Variants in ATXN10 observed in about 807,000 individuals in gnomAD.
ATXN10 encodes ataxin 10.
ATXN10 carries 28 observed loss-of-function variants against 52.9 expected under a neutral mutation model. The ratio of observed to expected loss-of-function variants is 0.53; its 90% CI spans 0.39 to 0.73. The LOEUF is 0.73. Ranked by LOEUF, ATXN10 falls within the 30% of genes least tolerant of loss-of-function variation. The probability of loss-of-function intolerance (pLI) is 0.00; values close to 1 mark genes in which losing one functional copy is unlikely to be tolerated. For synonymous variants in ATXN10, 226 were observed against 221.5 expected, an observed-to-expected ratio of 1.02 and a Z score of -0.18; for missense variants, 565 against 577.0, an observed-to-expected ratio of 0.98 and a Z score of 0.21.
intron 5 of ATXN10, among the ~76,000 whole-genome samples, chr22:45,713,477 GGC>G (rs1924328260): frequency 6.6e-6 from 1 of 152,132 alleles, no homozygotes; most frequent in South Asian, 2.1e-4. Context: ...GAGTTCCTTA[GGC>G]GAACTTACAG....
intron 10 of ATXN10, among the ~76,000 whole-genome samples, chr22:45,822,465 C>T (rs1398907521): frequency 2.7e-5 from 4 of 150,268 alleles, no homozygotes; most frequent in Admixed American, 1.3e-4. Context: ...AGTCAGACCT[C>T]GTAATATTTG....
chr22:45,713,611 G>T (rs981031602), intron 5 of ATXN10, among the ~76,000 whole-genome samples: 1 of 152,028 alleles, frequency 6.6e-6, no homozygotes, highest in Non-Finnish European at 1.5e-5. Context: ...TAAGTAGAAC[G>T]AAGTGTGAGC....
In ATXN10 at chr22:45,786,376, G is replaced by C. The variant is rs1019731634; in HGVS notation, c.1174-20583G>C. ...TTCCTTTCTTTTTGGAGGTGTCATGGGGAGCAGGGTTAGTTTATGGGATGC... is the reference window on the plus strand; with the variant it reads ...TTCCTTTCTTTTTGGAGGTGTCATGCGGAGCAGGGTTAGTTTATGGGATGC... On this transcript the variant is annotated intron_variant, in intron 9 of 11. Coordinates refer to ENST00000252934, the MANE Select transcript of ATXN10 (RefSeq NM_013236.4). This position sits in a 1 kb window ranked among gnomAD's most constrained non-coding sequence, Gnocchi z 4.1. 1.3e-5 allele frequency among the ~76,000 whole-genome samples: 2 copies of C among 152,172 alleles called. No homozygotes were observed. The highest frequency in any genetic ancestry group is 6.5e-5 in the Admixed American group (1 of 15,284).
intron 1 of ATXN10, among the ~76,000 whole-genome samples, chr22:45,686,876 G>A (rs1257110686): frequency 6.6e-6 from 1 of 152,002 alleles, no homozygotes; most frequent in Non-Finnish European, 1.5e-5. Flanking sequence ...TGGGAGATTT[G>A]GAGAGGACTT....
At position 45,690,021 on chromosome 22, in the gene ATXN10, C is replaced by T; in HGVS notation, c.308+118C>T. The T allele has an allele frequency of 4.7e-6, 5 of 1,066,012 alleles. No individual in the cohort carries two copies. The South Asian group carries it at 6.6e-5, about 14-fold the overall frequency. 66.0% of individuals were successfully genotyped at this position (1,066,012 alleles called of 1,614,324 possible). The stretch of plus-strand genomic sequence containing the variant: ...GGTAAGGTGGCTCATGCCTGTAATC[C>T]CAGCATTTTGGGAGGCTGAGGCAGG... On this transcript the variant is annotated intron_variant, in intron 2 of 11. Transcript: ENST00000252934. The surrounding 1 kb of genome is among the most constrained non-coding windows in gnomAD (Gnocchi z 4.5).
In ATXN10 at chr22:45,701,205, A is replaced by T. The variant is rs1245338318; in HGVS notation, c.488+827A>T. On this transcript the variant is annotated intron_variant, in intron 4 of 11. Transcript: ENST00000252934. This position sits in a 1 kb window ranked among gnomAD's most constrained non-coding sequence, Gnocchi z 4.2. Reference sequence around the variant, plus strand: ...ATACCCTGAACTGGGCATTATCCGTATATTTTTTCTGTTCTCACAATAGCC... The same window carrying T: ...ATACCCTGAACTGGGCATTATCCGTTTATTTTTTCTGTTCTCACAATAGCC... 6.6e-6 allele frequency among the ~76,000 whole-genome samples: 1 copy of T among 152,154 alleles called. No individual in the cohort carries two copies. The highest frequency in any genetic ancestry group is 1.5e-5 in the Non-Finnish European group (1 of 68,030).
chr22:45,798,777 T>C (rs1927834116), intron 9 of ATXN10, among the ~76,000 whole-genome samples: 1 of 152,176 alleles, frequency 6.6e-6, no homozygotes, highest in Non-Finnish European at 1.5e-5. Flanking sequence ...CTGATAAAGT[T>C]ATGAGAAGTG....
chr22:45,695,225 G>C (rs1019981403), intron 3 of ATXN10, among the ~76,000 whole-genome samples: 1 of 150,616 alleles, frequency 6.6e-6, no homozygotes, highest in Non-Finnish European at 1.5e-5. Flanking sequence ...TGGGGAGGCT[G>C]AGGCAGGAGA....
chr22:45,773,820 CAGAA>C (rs995589800), intron 9 of ATXN10, among the ~76,000 whole-genome samples: 7 of 151,828 alleles, frequency 4.6e-5, no homozygotes, highest in Non-Finnish European at 7.4e-5. Context: ...AACAAAACCA[CAGAA>C]AGAAAAAAGA....
At chr22:45,776,011 G>A (rs1192118998) in intron 9 of ATXN10, among the ~76,000 whole-genome samples, 3 of 152,154 alleles carry the variant, frequency 2.0e-5, no homozygotes, top group Non-Finnish European at 2.9e-5. Flanking sequence ...GCTGGAGGGG[G>A]ACCCAATTCA....
At position 45,795,424 on chromosome 22, in the gene ATXN10, T is replaced by TATTCTATTGTTTTCTA. The variant is rs1555896219; in HGVS notation, c.1174-11535_1174-11534insATTCTATTGTTTTCTA. On this transcript the variant is annotated intron_variant, in intron 9 of 11. Transcript: ENST00000252934. The surrounding 1 kb of genome is among the most constrained non-coding windows in gnomAD (Gnocchi z 4.6). Reference sequence around the variant, plus strand: ...TATTCTATTCTATTCTATTCTATTCTTTTTGAGATGAAGTCTCTCTATGTT... The same window carrying TATTCTATTGTTTTCTA: ...TATTCTATTCTATTCTATTCTATTCTATTCTATTGTTTTCTATTTTGAGATGAAGTCTCTCTATGTT... 6.8e-6 allele frequency among the ~76,000 whole-genome samples: 1 copy of TATTCTATTGTTTTCTA among 147,462 alleles called. No homozygotes were observed. Among genetic ancestry groups the TATTCTATTGTTTTCTA allele is most frequent in the Non-Finnish European group, 1.5e-5 (1 of 67,196 alleles).
At chr22:45,693,189 T>C (rs1923453472) in intron 3 of ATXN10, 111 bp downstream of exon 3, 3 of 891,088 alleles carry the variant, frequency 3.4e-6, no homozygotes, top group East Asian at 5.3e-5. Flanking sequence ...TTTCATGAGA[T>C]AGGGAAACTT....
chr22:45,777,212 T>C (rs894688952), intron 9 of ATXN10, among the ~76,000 whole-genome samples: 5 of 152,236 alleles, frequency 3.3e-5, no homozygotes, highest in Non-Finnish European at 5.9e-5. Context: ...GAATAGCCTA[T>C]AATTATCAAG....
rs1184963447 is a variant in ATXN10 at position 45,684,616 on chromosome 22, G to C, written c.117-5096G>C. On this transcript the variant is annotated intron_variant, in intron 1 of 11. Transcript: ENST00000252934. The surrounding 1 kb of genome is among the most constrained non-coding windows in gnomAD (Gnocchi z 4.1). ...TTCCTGTGGCTGCGTTTGTGCACTG[G>C]GGGAGTTGAGAGTGTGACAGAGGCT... Among the ~76,000 whole-genome samples, 1 of 152,178 alleles carries C rather than the reference G, an allele frequency of 6.6e-6. No individual in the cohort carries two copies. The highest frequency in any genetic ancestry group is 1.5e-5 in the Non-Finnish European group (1 of 68,034).
At position 45,784,590 on chromosome 22, in the gene ATXN10, C is replaced by T. The variant is rs1340956861; in HGVS notation, c.1174-22369C>T. Among the ~76,000 whole-genome samples, 4 of 152,114 alleles carry T rather than the reference C, an allele frequency of 2.6e-5. No individual in the cohort carries two copies. Among genetic ancestry groups the T allele is most frequent in the Admixed American group, 6.5e-5 (1 of 15,270 alleles). On this transcript the variant is annotated intron_variant, in intron 9 of 11. Transcript: ENST00000252934. The surrounding 1 kb of genome is among the most constrained non-coding windows in gnomAD (Gnocchi z 4.2). ...TGTCAGGAGGTGTGGATGGCAGGCA[C>T]GGGAGAAGGGACAGGAGGCTGGCTT... is the stretch of plus-strand genomic sequence containing the variant.
At position 45,818,673 on chromosome 22, in the gene ATXN10, G is replaced by A. The variant is rs1424364594; in HGVS notation, c.1237+11651G>A. ...CAGGGATCATCACGCAGGAAGCTGTGTGAAAGAGGTGTGGGAAGCTGCTTC... is the reference window on the plus strand; with the variant it reads ...CAGGGATCATCACGCAGGAAGCTGTATGAAAGAGGTGTGGGAAGCTGCTTC... On this transcript the variant is annotated intron_variant, in intron 10 of 11. Transcript: ENST00000252934. This position sits in a 1 kb window ranked among gnomAD's most constrained non-coding sequence, Gnocchi z 4.6. 6.6e-6 allele frequency among the ~76,000 whole-genome samples: 1 copy of A among 152,102 alleles called. No homozygotes were observed. Among genetic ancestry groups the A allele is most frequent in the East Asian group, 1.9e-4 (1 of 5,176 alleles).
rs192672465 is a variant in ATXN10, at chr22:45,693,098, A to G, written c.391+20A>G. On this transcript the variant is annotated intron_variant, in intron 3 of 11. Coordinates refer to ENST00000252934, the MANE Select transcript of ATXN10 (RefSeq NM_013236.4). ...TGACAGGTAGCATGCAATATAATTC[A>G]TGGATTATTTATATCTTTATAAAGG... 7,438 of 1,599,896 alleles carry G rather than the reference A, an allele frequency of 4.6e-3. 39 individuals are homozygous for G. The highest frequency in any genetic ancestry group is 0.011 in the South Asian group (1,006 of 90,766).
At chr22:45,808,851 A>G (rs1467546125) in intron 10 of ATXN10, among the ~76,000 whole-genome samples, 3 of 152,252 alleles carry the variant, frequency 2.0e-5, no homozygotes, top group Non-Finnish European at 4.4e-5. Flanking sequence ...GGATAGCTAT[A>G]TCTTTAGCTG....
In ATXN10 at chr22:45,745,580, G is replaced by A. The variant is rs978086777; in HGVS notation, c.1173+5042G>A. Among the ~76,000 whole-genome samples the A allele has an allele frequency of 2.6e-5, 4 of 152,292 alleles. No individual in the cohort carries two copies. In the South Asian group the frequency reaches 8.3e-4, roughly 32 times the overall value. ...TGTACTGTATGAAAAAGTTCAACAT[G>A]TAAAGACAAACTTTATTTGGCCCCT... On this transcript the variant is annotated intron_variant, in intron 9 of 11. Coordinates refer to ENST00000252934, the MANE Select transcript of ATXN10 (RefSeq NM_013236.4).
Sources: allele counts gnomAD v4.1 joint callset (sites outside exome capture counted in the v4.1 genomes callset), GRCh38; gene constraint gnomAD v4.1.1; non-coding constraint Gnocchi (gnomAD v3.1); transcripts MANE v1.5; gene names NCBI Gene and HGNC (gene_info 2026-07-23, HGNC 2026-07-21).